The following BRF1 variants were observed in gnomAD, a reference collection of about 807,000 sequenced individuals.
BRF1 encodes the protein BRF1 general transcription factor IIIB subunit.
Under a neutral mutation model 81.7 loss-of-function variants are expected in BRF1, and 59 were observed. The ratio of observed to expected loss-of-function variants is 0.72; its 90% confidence interval spans 0.59 to 0.90. The LOEUF (loss-of-function observed/expected upper bound fraction) is 0.90, where lower values mean the gene tolerates loss of function less well. Ranked by LOEUF, BRF1 falls within the 40% of genes least tolerant of loss-of-function variation. The pLI is 0.00. For synonymous variants in BRF1, 491 were observed against 395.6 expected, an observed-to-expected ratio of 1.24 and a Z score of -2.86; for missense variants, 1,050 against 936.3, an observed-to-expected ratio of 1.12 and a Z score of -1.58.
At chr14:105,285,688 T>C (rs1020651483) in intron 2 of BRF1, among the ~76,000 whole-genome samples, 1 of 152,148 alleles carries the variant, frequency 6.6e-6, no homozygotes, top group Non-Finnish European at 1.5e-5. Flanking sequence ...AAAACTTTCA[T>C]GCTCCAAAGG....
intron 6 of BRF1, among the ~76,000 whole-genome samples, chr14:105,229,443 G>A (rs1356967762): frequency 6.6e-6 from 1 of 152,232 alleles, no homozygotes; most frequent in Non-Finnish European, 1.5e-5. Flanking sequence ...GGGTAGAGTG[G>A]ACTCTGTGGG....
chr14:105,241,611 T>C (rs764612555), intron 5 of BRF1, 197 bp from the exon 6 acceptor site: 98 of 692,714 alleles, frequency 1.4e-4, no homozygotes, highest in Admixed American at 1.1e-3. Context: ...GGAGAGCCAC[T>C]GGCCACCTGC....
intron 5 of BRF1, chr14:105,247,079 A>AAC (rs753096069): frequency 1.0e-6 from 1 of 985,372 alleles, no homozygotes; most frequent in Non-Finnish European, 1.2e-6. Flanking sequence ...ACCTTTTTCT[A>AAC]TGGAAACAGA....
At chr14:105,297,402 A>G (rs2057791367) in intron 1 of BRF1, among the ~76,000 whole-genome samples, 1 of 151,564 alleles carries the variant, frequency 6.6e-6, no homozygotes, top group South Asian at 2.1e-4. Flanking sequence ...CCCCGTCTCT[A>G]CTAAAAAATA....
intron 15 of BRF1, chr14:105,213,145 C>CCACT (rs1890420657): frequency 6.6e-6 from 1 of 152,356 alleles, no homozygotes; most frequent in Non-Finnish European, 1.5e-5. Context: ...ATCCCCAGGC[C>CCACT]CACTGTGCAG....
rs587673120 is a variant in BRF1 at position 105,265,054 on chromosome 14, G to GTTTTTTTT, written c.439+7659_439+7666dup. On this transcript the variant is annotated intron_variant, in intron 3 of 17. Transcript: ENST00000547530. ...ATAAGTTCTACTTATCCTTTTTTTTGTTTTTTTTTTGTTTGTTTGTTTTTT... is the reference window on the plus strand; with the variant it reads ...ATAAGTTCTACTTATCCTTTTTTTTGTTTTTTTTTTTTTTTTTTGTTTGTTTGTTTTTT... Among the ~76,000 whole-genome samples the GTTTTTTTT allele has an allele frequency of 9.2e-5, 12 of 130,142 alleles. 3 individuals are homozygous for GTTTTTTTT. Among genetic ancestry groups the GTTTTTTTT allele is most frequent in the Non-Finnish European group, 9.8e-5 (6 of 61,302 alleles). The allele number at this position is 130,142 out of a possible 152,430, so 85.4% of individuals were successfully genotyped here.
chr14:105,252,461 C>G (rs750691034), intron 5 of BRF1, 46 bp downstream of exon 5: 1 of 1,603,914 alleles, frequency 6.2e-7, no homozygotes. Flanking sequence ...ACGCTGGTCC[C>G]TACAGCAGCC....
Position 105,228,850 on chromosome 14 carries a change from A to G in BRF1, c.758T>C (p.Val253Ala), listed in dbSNP as rs765117516. The G allele has an allele frequency of 3.1e-6, 5 of 1,613,732 alleles. No individual in the cohort carries two copies. Among genetic ancestry groups the G allele is most frequent in the Non-Finnish European group, 4.2e-6 (5 of 1,180,004 alleles). ...RRTVKEVISV[V>A]KVCESTLRKR... Reference sequence around the variant, plus strand: ...CCGCAGCGTGGACTCACACACTTTGACCACACTGATGACCTCCTTCACAGT... The same window carrying G: ...CCGCAGCGTGGACTCACACACTTTGGCCACACTGATGACCTCCTTCACAGT... Residue 253 changes from valine (V) to alanine (A), a missense_variant, in exon 7 of 18, where the codon GTC becomes GCC. By Grantham distance (64) the Val-to-Ala change is moderately conservative. Around this residue, in one of 2 missense-constraint regions of BRF1, gnomAD observed 1,043 missense variants for 915.4 expected, o/e 1.14. Transcript: ENST00000547530.
intron 7 of BRF1, chr14:105,228,186 C>T (rs140148471): frequency 1.3e-5 from 2 of 152,362 alleles, no homozygotes; most frequent in East Asian, 1.9e-4. Context: ...AGGAGACGGA[C>T]CAGGCTTCTG....
At chr14:105,289,580 C>G (rs2057440193) in intron 1 of BRF1, among the ~76,000 whole-genome samples, 1 of 152,190 alleles carries the variant, frequency 6.6e-6, no homozygotes, top group Non-Finnish European at 1.5e-5. Context: ...CCAGGCTGAG[C>G]TCCAGGTGCC....
intron 1 of BRF1, among the ~76,000 whole-genome samples, chr14:105,292,702 G>A (rs2057567247): frequency 6.6e-6 from 1 of 152,218 alleles, no homozygotes; most frequent in Non-Finnish European, 1.5e-5. Flanking sequence ...GCTGGATGCA[G>A]TAGCATCAGA....
In BRF1 at chr14:105,209,329, T is replaced by C. The variant is rs1889816922; in HGVS notation, c.*1222A>G. ...AGATCTTCCTGCTTTACTAAATCTA[T>C]TCTTCCCCCAAGCCCTCGAGAAGCC... On this transcript the variant is annotated 3_prime_UTR_variant, in exon 18 of 18. Coordinates refer to ENST00000547530, the MANE Select transcript of BRF1 (RefSeq NM_001519.4). 15 of 557,306 alleles carry C rather than the reference T, an allele frequency of 2.7e-5. No homozygotes were observed. The East Asian group carries it at 4.7e-4, about 18-fold the overall frequency. The allele number at this position is 557,306 out of a possible 1,614,324, so 34.5% of individuals were successfully genotyped here.
intron 2 of BRF1, among the ~76,000 whole-genome samples, chr14:105,283,851 T>C (rs778527893): frequency 6.6e-6 from 1 of 152,194 alleles, no homozygotes; most frequent in South Asian, 2.1e-4. Context: ...GATAGCCTAG[T>C]GGCACCACAA....
chr14:105,249,531 G>A (rs1595383247), intron 5 of BRF1: 7 of 1,602,960 alleles, frequency 4.4e-6, no homozygotes, highest in African/African-American at 4.0e-5. Context: ...GGCGGCCTCC[G>A]GAGGCTTCTG....
intron 1 of BRF1, among the ~76,000 whole-genome samples, chr14:105,294,706 G>A (rs981158346): frequency 2.0e-5 from 3 of 152,148 alleles, no homozygotes; most frequent in Admixed American, 6.6e-5. Context: ...TCTAGCAAGA[G>A]AGACAAAGGG....
intron 3 of BRF1, among the ~76,000 whole-genome samples, chr14:105,268,763 C>A (rs1254626569): frequency 6.6e-6 from 1 of 152,212 alleles, no homozygotes; most frequent in African/African-American, 2.4e-5. Flanking sequence ...GGACCCTCCA[C>A]GTCCTGCTGA....
intron 4 of BRF1, among the ~76,000 whole-genome samples, chr14:105,255,270 G>A (rs969724827): frequency 6.6e-6 from 1 of 152,272 alleles, no homozygotes; most frequent in Non-Finnish European, 1.5e-5. Context: ...TGAGCAGAGA[G>A]CATCTGAAAT....
chr14:105,289,440 GAT>G (rs10569204), intron 1 of BRF1, among the ~76,000 whole-genome samples: 2,159 of 152,330 alleles, frequency 0.014, 17 homozygotes, highest in Non-Finnish European at 0.016. Context: ...GGTGCCTGCT[GAT>G]ATGAGAATCC....
chr14:105,249,568 C>T, intron 5 of BRF1: 1 of 1,587,352 alleles, frequency 6.3e-7, no homozygotes. Flanking sequence ...AGCTGATGGA[C>T]TCCTCTCCCA....
Sources: allele counts gnomAD v4.1 joint callset (sites outside exome capture counted in the v4.1 genomes callset), GRCh38; gene constraint gnomAD v4.1.1; regional missense constraint gnomAD v4.1.1; transcripts MANE v1.5; gene names NCBI Gene and HGNC (gene_info 2026-07-23, HGNC 2026-07-21).